RP1L1: variants seen among roughly 807,000 people sequenced by gnomAD.
RP1L1 encodes RP1 like 1.
RP1L1 carries 27 observed loss-of-function variants against 15.7 expected under a neutral mutation model. The ratio of observed to expected loss-of-function variants is 1.72; its 90% CI spans 1.27 to 2.38. The LOEUF is 2.38. Among genes scored for constraint, RP1L1 ranks in the 30% most tolerant of loss-of-function variants. The probability of loss-of-function intolerance (pLI) is 0.00; values close to 1 mark genes in which losing one functional copy is unlikely to be tolerated. For synonymous variants in RP1L1, 1,813 were observed against 1,276.7 expected, an observed-to-expected ratio of 1.42 and a Z score of -8.96; for missense variants, 4,798 against 3,075.9, an observed-to-expected ratio of 1.56 and a Z score of -13.24.
rs984407659 is a variant in RP1L1 at position 10,622,844 on chromosome 8, G to A, written c.358C>T (p.Gln120Ter). The change falls in exon 2 of 4, where the codon CAG (glutamine) becomes TAG (stop). Residue 120 changes from glutamine (Q) to a stop codon, truncating the protein, a stop_gained. Coordinates refer to ENST00000382483, the MANE Select transcript of RP1L1 (RefSeq NM_178857.6). LOFTEE classifies it high-confidence loss of function. Reference protein sequence around the residue: ...PKTPSGPGRPQERNPTAQQLR... With the variant: ...PKTPSGPGRP Reference sequence around the variant, plus strand: ...TGCTGAGCAGTGGGGTTTCTCTCCTGTGGCCGGCCTGGTCCACTGGGGGTC... The same window carrying A: ...TGCTGAGCAGTGGGGTTTCTCTCCTATGGCCGGCCTGGTCCACTGGGGGTC... 2 of 1,613,152 alleles carry A rather than the reference G, an allele frequency of 1.2e-6. No individual in the cohort carries two copies. The highest frequency in any genetic ancestry group is 1.1e-5 in the South Asian group (1 of 91,058).
intron 1 of RP1L1, among the ~76,000 whole-genome samples, chr8:10,650,837 G>A (rs1253569006): frequency 6.6e-6 from 1 of 152,172 alleles, no homozygotes; most frequent in Admixed American, 6.5e-5. Context: ...AAAGTGCTGG[G>A]ATTACAGGCA....
intron 1 of RP1L1, among the ~76,000 whole-genome samples, chr8:10,633,636 C>T (rs1032738101): frequency 7.2e-5 from 11 of 152,124 alleles, no homozygotes; most frequent in Non-Finnish European, 1.5e-4. Flanking sequence ...AACTGCTGTT[C>T]TGTGGTCATC....
intron 1 of RP1L1, among the ~76,000 whole-genome samples, chr8:10,638,397 G>A (rs1417652753): frequency 2.0e-5 from 3 of 151,736 alleles, no homozygotes; most frequent in Non-Finnish European, 4.4e-5. Context: ...TTTCATGTGG[G>A]GAAAAAAAAT....
At chr8:10,614,823 T>G (rs1390551413) in intron 3 of RP1L1, among the ~76,000 whole-genome samples, 1 of 151,706 alleles carries the variant, frequency 6.6e-6, no homozygotes, top group Non-Finnish European at 1.5e-5. Flanking sequence ...ATACCTAATG[T>G]AAATGACGAG....
In RP1L1 at chr8:10,608,701, T is replaced by A. The variant is rs774517061; in HGVS notation, c.5397A>T (p.Glu1799Asp). Residue 1799 changes from glutamate (E) to aspartate (D), a missense_variant, in exon 4 of 4, where the codon GAA becomes GAT. Coordinates refer to ENST00000382483, the MANE Select transcript of RP1L1 (RefSeq NM_178857.6). ...AGCCTTGACCCCCAGTTTCTCCCCT[T>A]TCACTTATGCCCTCTCCCTCCTGCT... ...EAEQEGEGIS[E>D]RGETGGQGSG... is the part of the protein sequence containing the mutation. The A allele has an allele frequency of 6.2e-7, 1 of 1,614,192 alleles. No homozygotes were observed. Among genetic ancestry groups the A allele is most frequent in the Non-Finnish European group, 8.5e-7 (1 of 1,180,036 alleles).
chr8:10,626,007 G>T (rs533658382), intron 1 of RP1L1, among the ~76,000 whole-genome samples: 1 of 152,070 alleles, frequency 6.6e-6, no homozygotes, highest in Non-Finnish European at 1.5e-5. Flanking sequence ...TGTGTGGGAG[G>T]GGGTAGACGG....
chr8:10,633,084 G>C (rs574821175), intron 1 of RP1L1, among the ~76,000 whole-genome samples: 1 of 152,302 alleles, frequency 6.6e-6, no homozygotes, highest in African/African-American at 2.4e-5. Flanking sequence ...GCATCCAACA[G>C]CACGGCGACG....
Position 10,606,901 on chromosome 8 carries a change from A to G in RP1L1, c.7197T>C (p.Asp2399=). 1 of 1,614,190 alleles carries G rather than the reference A, an allele frequency of 6.2e-7. No homozygotes were observed. Among genetic ancestry groups the G allele is most frequent in the Non-Finnish European group, 8.5e-7 (1 of 1,180,036 alleles). Reference sequence around the variant, plus strand: ...TTTTCTAGCTTGATCTTGTCTAGAAATCTAAGTCATCTTGGCCAAAGCCGT... The same window carrying G: ...TTTTCTAGCTTGATCTTGTCTAGAAGTCTAAGTCATCTTGGCCAAAGCCGT... ...RADGFGQDDL[D]F is the part of the protein sequence containing the mutation. Residue 2399 remains aspartate, a synonymous_variant, in exon 4 of 4, where the codon GAT becomes GAC. Transcript: ENST00000382483.
chr8:10,629,933 T>G (rs571163887), intron 1 of RP1L1, among the ~76,000 whole-genome samples: 1 of 152,164 alleles, frequency 6.6e-6, no homozygotes, highest in Non-Finnish European at 1.5e-5. Flanking sequence ...CGCATGGCCC[T>G]GTCCACACCA....
rs1798096888 is a variant in RP1L1 at position 10,623,091 on chromosome 8, G to C, written c.111C>G (p.Thr37=). Residue 37 remains threonine, a synonymous_variant, in exon 2 of 4, where the codon ACC becomes ACG. Coordinates refer to ENST00000382483, the MANE Select transcript of RP1L1 (RefSeq NM_178857.6). ...VTKVTPAKKI[T]FLKRGDPRFA... is the part of the protein sequence containing the mutation. ...ACCGTGGATCCCCTCGCTTGAGGAAGGTGATCTTCTTGGCTGGCGTGACCT... is the reference window on the plus strand; with the variant it reads ...ACCGTGGATCCCCTCGCTTGAGGAACGTGATCTTCTTGGCTGGCGTGACCT... 1 of 1,613,988 alleles carries C rather than the reference G, an allele frequency of 6.2e-7. No individual in the cohort carries two copies.
At chr8:10,623,242 G>A in intron 1 of RP1L1, 22 bp from the exon 2 acceptor site, 2 of 1,509,160 alleles carry the variant, frequency 1.3e-6, no homozygotes, top group South Asian at 1.3e-5. Flanking sequence ...CAGAGGAAGA[G>A]GGGTCAGAGA....
chr8:10,632,040 G>A lies in RP1L1; in HGVS notation c.-19-8820C>T, dbSNP rs1798261026. Among the ~76,000 whole-genome samples the A allele has an allele frequency of 2.0e-5, 3 of 152,180 alleles. No individual in the cohort carries two copies. In the South Asian group the frequency reaches 6.2e-4, roughly 32 times the overall value. ...CGTGCTTCACACGGTGGGCAGTGGG[G>A]GAGGGAGCCTTCAGGGGCCACCAGA... On this transcript the variant is annotated intron_variant, in intron 1 of 3. Transcript: ENST00000382483.
At position 10,610,905 on chromosome 8, in the gene RP1L1, G is replaced by C; in HGVS notation, c.3193C>G (p.Pro1065Ala). 1 of 1,610,882 alleles carries C rather than the reference G, an allele frequency of 6.2e-7. No homozygotes were observed. The highest frequency in any genetic ancestry group is 2.2e-5 in the East Asian group (1 of 44,776). The change falls in exon 4 of 4, where the codon CCA becomes GCA. Residue 1065 changes from proline to alanine, a missense_variant. Pro to Ala is a conservative substitution (Grantham distance 27, BLOSUM62 -1). Transcript: ENST00000382483. ...CGCAGGCTCACCCTGCAGCCTGCTG[G>C]GGCCTCTCTGTCTGCTCCGGCCTCT... Reference protein sequence around the residue: ...PAEAGADREAPAGCRVSLRAL... With the variant: ...PAEAGADREAAAGCRVSLRAL...
chr8:10,610,750 C>G lies in RP1L1; in HGVS notation c.3348G>C (p.Gly1116=), dbSNP rs762473650. 2.5e-6 allele frequency: 4 copies of G among 1,613,422 alleles called. No individual in the cohort carries two copies. The highest frequency in any genetic ancestry group is 1.6e-4 in the Middle Eastern group (1 of 6,062). ...PMARRLSCSA[G]ALITCLASLQ... ...GACTGGCCAGACAAGTAATGAGGGC[C>G]CCGGCTGAGCAGCTGAGCCTCCTGG... The change falls in exon 4 of 4, where the codon GGG becomes GGC. Residue 1116 remains glycine (G), a synonymous_variant. Coordinates refer to ENST00000382483, the MANE Select transcript of RP1L1 (RefSeq NM_178857.6).
intron 2 of RP1L1, among the ~76,000 whole-genome samples, chr8:10,620,536 G>A (rs1251571560): frequency 6.6e-6 from 1 of 152,154 alleles, no homozygotes; most frequent in Admixed American, 6.5e-5. Context: ...AATCCAGGAG[G>A]CAGAGGTTGC....
rs764586102 is a variant in RP1L1 at position 10,607,206 on chromosome 8, G to A, written c.6892C>T (p.Pro2298Ser). The A allele has an allele frequency of 6.2e-7, 1 of 1,614,114 alleles. No individual in the cohort carries two copies. Among genetic ancestry groups the A allele is most frequent in the Non-Finnish European group, 8.5e-7 (1 of 1,180,046 alleles). The change falls in exon 4 of 4, where the codon CCT (proline) becomes TCT (serine). Residue 2298 changes from proline to serine, a missense_variant. By Grantham distance (74) the Pro-to-Ser change is moderately conservative. Transcript: ENST00000382483. ...CAAGAGGATGCTCTGGAGGAGGAAG[G>A]GCCTGTTTGGGAGCCTGGCCTTTGG... is the stretch of plus-strand genomic sequence containing the variant. ...PHQRPGSQTG[P>S]SSSRASSWGN...
chr8:10,623,145 G>C lies in RP1L1; in HGVS notation c.57C>G (p.Pro19=). The change falls in exon 2 of 4, where the codon CCC becomes CCG. Residue 19 remains proline, a synonymous_variant. Transcript: ENST00000382483. ...QAPSHRECFL[P]SVARTPSVTK... is the part of the protein sequence containing the mutation. ...TGACCGAGGGGGTGCGAGCCACAGA[G>C]GGCAGGAAGCACTCACGGTGGCTCG... 2 of 1,603,502 alleles carry C rather than the reference G, an allele frequency of 1.2e-6. No homozygotes were observed. Among genetic ancestry groups the C allele is most frequent in the East Asian group, 2.2e-5 (1 of 44,784 alleles).
rs750882420 is a variant in RP1L1, at chr8:10,612,637, G to C, written c.1461C>G (p.Ala487=). The change falls in exon 4 of 4, where the codon GCC becomes GCG. Residue 487 remains alanine (A), a synonymous_variant. Coordinates refer to ENST00000382483, the MANE Select transcript of RP1L1 (RefSeq NM_178857.6). ...EDGVDSASPS[A]QIGAERKAGG... The stretch of plus-strand genomic sequence containing the variant: ...CAGCTTTCCGCTCAGCCCCTATCTG[G>C]GCAGAGGGGCTGGCACTGTCCACCC... 1.9e-6 allele frequency: 3 copies of C among 1,602,146 alleles called. No homozygotes were observed. The South Asian group carries it at 3.3e-5, about 18-fold the overall frequency.
Position 10,613,103 on chromosome 8 carries a change from A to G in RP1L1, c.995T>C (p.Val332Ala), listed in dbSNP as rs1797899995. ...SVEMKVRFHL[V>A]GEDTLLWSRR... The stretch of plus-strand genomic sequence containing the variant: ...GGACCATAGGAGCGTGTCCTCGCCG[A>G]CCAGGTGGAAGCGGACTTTCATCTC... The change falls in exon 4 of 4, where the codon GTC (valine) becomes GCC (alanine). Residue 332 changes from valine (V) to alanine (A), a missense_variant. By Grantham distance (64) the Val-to-Ala change is moderately conservative. Coordinates refer to ENST00000382483, the MANE Select transcript of RP1L1 (RefSeq NM_178857.6). 8.1e-6 allele frequency: 13 copies of G among 1,613,860 alleles called. No homozygotes were observed. In the East Asian group the frequency reaches 2.9e-4, roughly 36 times the overall value.
Sources: allele counts gnomAD v4.1 joint callset (sites outside exome capture counted in the v4.1 genomes callset), GRCh38; gene constraint gnomAD v4.1.1; transcripts MANE v1.5; gene names NCBI Gene and HGNC (gene_info 2026-07-23, HGNC 2026-07-21).